The following TBC1D22A variants were observed in gnomAD, a reference collection of about 807,000 sequenced individuals.
TBC1D22A encodes TBC1 domain family member 22A.
A neutral mutation model predicts 60.2 loss-of-function variants in TBC1D22A; 38 were observed. The observed-to-expected ratio is 0.63, with a 90% CI of 0.49 to 0.83. The LOEUF is 0.83. TBC1D22A is among the 40% of genes least tolerant of loss of function. The pLI is 0.00. For missense variants in TBC1D22A, 628 were observed against 701.0 expected, an observed-to-expected ratio of 0.90 and a Z score of 1.18; for synonymous variants, 302 against 281.7, an observed-to-expected ratio of 1.07 and a Z score of -0.72.
chr22:47,028,898 CAGACTCTA>C lies in TBC1D22A; in HGVS notation c.1202-8172_1202-8165del, dbSNP rs1187842878. Among the ~76,000 whole-genome samples, 1 of 150,572 alleles carries C rather than the reference CAGACTCTA, an allele frequency of 6.6e-6. No individual in the cohort carries two copies. The highest frequency in any genetic ancestry group is 1.5e-5 in the Non-Finnish European group (1 of 68,028). On this transcript the variant is annotated intron_variant, in intron 10 of 12. Transcript: ENST00000337137. This position sits in a 1 kb window ranked among gnomAD's most constrained non-coding sequence, Gnocchi z 4.4. Reference sequence around the variant, plus strand: ...GACACTAACATCCCAGAGTTGGTGTCAGACTCTATGAGCTAAGGGCTCAGTCCTTAACA... The same window carrying C: ...GACACTAACATCCCAGAGTTGGTGTCTGAGCTAAGGGCTCAGTCCTTAACA...
intron 8 of TBC1D22A, among the ~76,000 whole-genome samples, chr22:46,958,624 A>G (rs2073337708): frequency 6.6e-6 from 1 of 152,184 alleles, no homozygotes; most frequent in Non-Finnish European, 1.5e-5. Context: ...CTTCATGCAT[A>G]AGCGTTTTGT....
At chr22:46,877,501 C>T (rs1052726017) in intron 4 of TBC1D22A, among the ~76,000 whole-genome samples, 17 of 152,132 alleles carry the variant, frequency 1.1e-4, no homozygotes, top group Non-Finnish European at 2.9e-5. Context: ...ATATGAGGTT[C>T]CTGCTTTTCA....
At chr22:47,074,971 C>G (rs1441177574) in intron 11 of TBC1D22A, among the ~76,000 whole-genome samples, 1 of 152,184 alleles carries the variant, frequency 6.6e-6, no homozygotes, top group African/African-American at 2.4e-5. Context: ...CGCCTGTAAT[C>G]CCACCACTTT....
intron 8 of TBC1D22A, chr22:46,913,265 C>A (rs1257276871): frequency 1.7e-6 from 2 of 1,197,662 alleles, no homozygotes; most frequent in African/African-American, 1.6e-5. Context: ...TTAATTTAAA[C>A]CTGGTTTTGT....
intron 12 of TBC1D22A, among the ~76,000 whole-genome samples, chr22:47,142,153 C>T (rs2067109179): frequency 6.6e-6 from 1 of 152,134 alleles, no homozygotes; most frequent in African/African-American, 2.4e-5. Context: ...AGCCTACTTT[C>T]AAGCCTACCC....
At position 46,887,422 on chromosome 22, in the gene TBC1D22A, A is replaced by T. The variant is rs561765524; in HGVS notation, c.709-3844A>T. ...TTAGCAAAGTCTTTCGGAGGTATGC[A>T]AACCTAGCAGGCCCACTCCCAGGTA... On this transcript the variant is annotated intron_variant, in intron 5 of 12. Transcript: ENST00000337137. Among the ~76,000 whole-genome samples the T allele has an allele frequency of 2.8e-4, 42 of 152,340 alleles. No individual in the cohort carries two copies. In the East Asian group the frequency reaches 6.7e-3, roughly 24 times the overall value.
intron 10 of TBC1D22A, among the ~76,000 whole-genome samples, chr22:47,031,379 A>T (rs1293256838): frequency 6.6e-6 from 1 of 152,046 alleles, no homozygotes; most frequent in East Asian, 1.9e-4. Flanking sequence ...TTCAGAGGCA[A>T]CCCTGGGAAG....
intron 10 of TBC1D22A, among the ~76,000 whole-genome samples, chr22:47,019,978 AGCCCTCCATCC>A: frequency 6.8e-6 from 1 of 147,934 alleles, no homozygotes. Context: ...CCTCTCCCTT[AGCCCTCCATCC>A]TCCCCTCTCC....
rs926284176 is a variant in TBC1D22A at position 47,084,525 on chromosome 22, G to A, written c.1330-26983G>A. Among the ~76,000 whole-genome samples, 10 of 152,290 alleles carry A rather than the reference G, an allele frequency of 6.6e-5. No individual in the cohort carries two copies. In the South Asian group the frequency reaches 8.3e-4, roughly 13 times the overall value. Reference sequence around the variant, plus strand: ...AGCCCTCCAGGTGGTTCTGGAGCACGCAGCAGTTGAGAGCCACTGCTCTAG... The same window carrying A: ...AGCCCTCCAGGTGGTTCTGGAGCACACAGCAGTTGAGAGCCACTGCTCTAG... On this transcript the variant is annotated intron_variant, in intron 11 of 12. Transcript: ENST00000337137.
chr22:47,066,371 G>A (rs1188299837), intron 11 of TBC1D22A, among the ~76,000 whole-genome samples: 1 of 152,050 alleles, frequency 6.6e-6, no homozygotes, highest in Non-Finnish European at 1.5e-5. Flanking sequence ...GTACGTGCGG[G>A]ACTAGAGGGC....
At chr22:47,068,968 T>C (rs984829024) in intron 11 of TBC1D22A, among the ~76,000 whole-genome samples, 1 of 152,218 alleles carries the variant, frequency 6.6e-6, no homozygotes, top group Admixed American at 6.5e-5. Flanking sequence ...ACATATTATT[T>C]GTGACTCTAC....
intron 8 of TBC1D22A, among the ~76,000 whole-genome samples, chr22:46,956,614 G>A (rs542112444): frequency 6.6e-6 from 1 of 152,330 alleles, no homozygotes; most frequent in African/African-American, 2.4e-5. Context: ...GTGCTGGGAT[G>A]TGTAGTGCCC....
Position 46,959,294 on chromosome 22 carries a change from A to T in TBC1D22A, c.1016-14996A>T, listed in dbSNP as rs1346166655. 4.6e-5 allele frequency among the ~76,000 whole-genome samples: 7 copies of T among 152,322 alleles called. No individual in the cohort carries two copies. The South Asian group carries it at 1.2e-3, about 27-fold the overall frequency. ...GGTGGCACAAGAGAAGGACACACAC[A>T]CTTTGGGTCTTGCCTGGACTCAGCC... is the stretch of plus-strand genomic sequence containing the variant. On this transcript the variant is annotated intron_variant, in intron 8 of 12. Transcript: ENST00000337137.
chr22:46,926,195 A>G (rs1284745830), intron 8 of TBC1D22A, among the ~76,000 whole-genome samples: 1 of 152,232 alleles, frequency 6.6e-6, no homozygotes, highest in Admixed American at 6.5e-5. Flanking sequence ...TATAGTTGTA[A>G]CGGACTATAT....
At chr22:46,854,160 G>A (rs1027513685) in intron 4 of TBC1D22A, among the ~76,000 whole-genome samples, 3 of 152,152 alleles carry the variant, frequency 2.0e-5, no homozygotes, top group African/African-American at 7.2e-5. Flanking sequence ...CGTGTCTTCC[G>A]GAGGTGCCTA....
intron 10 of TBC1D22A, among the ~76,000 whole-genome samples, chr22:47,035,707 G>A (rs1677356185): frequency 6.6e-6 from 1 of 152,114 alleles, no homozygotes. Context: ...TCCCATCATG[G>A]GACCAGAGCT....
At chr22:47,042,480 A>G (rs2062880959) in intron 11 of TBC1D22A, among the ~76,000 whole-genome samples, 1 of 152,216 alleles carries the variant, frequency 6.6e-6, no homozygotes, top group Non-Finnish European at 1.5e-5. Context: ...ATGCGGGGAC[A>G]TTGGGACTCA....
rs1555949341 is a variant in TBC1D22A, at chr22:46,920,057, T to TGTATGTATGTATGTA, written c.1015+7869_1015+7870insGTATGTATGTATGTA. On this transcript the variant is annotated intron_variant, in intron 8 of 12. Transcript: ENST00000337137. ...GAGTGTTAGGTATATATGTGTTTGT[T>TGTATGTATGTATGTA]TGTATGTATGTATGTATGTATGTAT... Among the ~76,000 whole-genome samples, 100 of 59,242 alleles carry TGTATGTATGTATGTA rather than the reference T, an allele frequency of 1.7e-3. 1 individual carries two copies. Among genetic ancestry groups the TGTATGTATGTATGTA allele is most frequent in the East Asian group, 4.4e-3 (3 of 686 alleles). 38.9% of individuals were successfully genotyped at this position (59,242 alleles called of 152,430 possible).
intron 4 of TBC1D22A, among the ~76,000 whole-genome samples, chr22:46,860,621 C>T (rs1233410584): frequency 2.6e-5 from 4 of 151,030 alleles, no homozygotes; most frequent in Admixed American, 6.6e-5. Flanking sequence ...GATAGAGGTC[C>T]GCGCAGTGCT....
Sources: gnomAD v4.1 joint callset for allele counts (sites outside exome capture counted in the v4.1 genomes callset) on GRCh38, gnomAD v4.1.1 for gene constraint, Gnocchi (gnomAD v3.1) non-coding constraint, MANE v1.5 for transcripts, NCBI Gene and HGNC (gene_info 2026-07-23, HGNC 2026-07-21) for gene names.